The following ZNF83 variants were observed in gnomAD, a reference collection of about 807,000 sequenced individuals.
ZNF83 encodes the protein zinc finger protein 83, also known as zinc finger protein 816B.
For synonymous variants in ZNF83, 209 were observed against 213.0 expected (o/e 0.98, Z 0.17); for missense variants, 552 against 629.9 (o/e 0.88, Z 1.32).
At chr19:52,649,891 AG>A (rs908485754) in intron 3 of ZNF83, among the ~76,000 whole-genome samples, 3 of 152,164 alleles carry the variant, frequency 2.0e-5, no homozygotes, top group African/African-American at 7.2e-5. Context: ...GAAAAACCAA[AG>A]CAAAAAGAAA....
At chr19:52,651,567 C>T (rs2126503) in intron 3 of ZNF83, 12,332 of 152,320 alleles carry the variant, frequency 0.081, 542 homozygotes, top group Middle Eastern at 0.11. Flanking sequence ...TCTGAAATCC[C>T]AGCTACTTGG....
exon 3 of ZNF83, chr19:52,614,764 G>A: frequency 3.1e-6 from 4 of 1,284,020 alleles, no homozygotes; most frequent in Non-Finnish European, 4.0e-6. Flanking sequence ...CTTTTTTGGT[G>A]GTAATTCCTT....
chr19:52,612,806 A>T, exon 3 of ZNF83: 1 of 469,628 alleles, frequency 2.1e-6, no homozygotes. Flanking sequence ...AATTCTTTGA[A>T]GAATCCTGGT....
In ZNF83 at chr19:52,672,879, AAG is replaced by A. The variant is rs367762263; in HGVS notation, c.-282-12038_-282-12037del. Among the ~76,000 whole-genome samples the A allele has an allele frequency of 3.1e-3, 469 of 152,296 alleles. 3 individuals are homozygous for A. Among genetic ancestry groups the A allele is most frequent in the African/African-American group, 0.011 (448 of 41,560 alleles). ...ACATGAGCCACCGTGCATGGCAAAAAAGTTTATTTTAATCAGAAATAATTAAT... is the reference window on the plus strand; with the variant it reads ...ACATGAGCCACCGTGCATGGCAAAAATTTATTTTAATCAGAAATAATTAAT... On this transcript the variant is annotated intron_variant, in intron 1 of 5. Transcript: ENST00000594682.
intron 2 of ZNF83, among the ~76,000 whole-genome samples, chr19:52,623,241 G>A (rs190677347): frequency 1.3e-5 from 2 of 152,252 alleles, no homozygotes; most frequent in East Asian, 3.9e-4. Context: ...CAATTGCCTC[G>A]GAAGCCCTCT....
At chr19:52,674,067 A>G (rs2061765850) in intron 1 of ZNF83, 1 of 151,904 alleles carries the variant, frequency 6.6e-6, no homozygotes, top group African/African-American at 2.4e-5. Flanking sequence ...CTTGGAAAGC[A>G]CCACACATTT....
rs1285384403 is a variant in ZNF83 at position 52,680,663 on chromosome 19, A to G, written c.-283+9780T>C. Among the ~76,000 whole-genome samples, 8 of 115,742 alleles carry G rather than the reference A, an allele frequency of 6.9e-5. No individual in the cohort carries two copies. The South Asian group carries it at 1.2e-3, about 17-fold the overall frequency. The allele number at this position is 115,742 out of a possible 152,430, so 75.9% of individuals were successfully genotyped here. On this transcript the variant is annotated intron_variant, in intron 1 of 5. Transcript: ENST00000594682. The stretch of plus-strand genomic sequence containing the variant: ...AGTCTCGCTCTGTCGCCCAGGCTGG[A>G]GTGCAGTGGCGCGATCTCGGCTCAC...
chr19:52,663,936 G>C (rs550363802), intron 1 of ZNF83, among the ~76,000 whole-genome samples: 1 of 152,298 alleles, frequency 6.6e-6, no homozygotes, highest in East Asian at 1.9e-4. Context: ...TGCCCGGCTG[G>C]AATGCAGTTA....
chr19:52,656,226 C>CTATATA (rs140320453), intron 2 of ZNF83, among the ~76,000 whole-genome samples: 5 of 145,050 alleles, frequency 3.4e-5, no homozygotes, highest in African/African-American at 1.3e-4. Flanking sequence ...CTCTCTCTCT[C>CTATATA]TATATATATA....
At chr19:52,654,747 T>C (rs908055448) in intron 3 of ZNF83, 2 of 160,098 alleles carry the variant, frequency 1.2e-5, no homozygotes, top group African/African-American at 4.8e-5. Flanking sequence ...GCCTCATATA[T>C]ATGATGCAGT....
chr19:52,674,789 T>C (rs1335793246), intron 1 of ZNF83, among the ~76,000 whole-genome samples: 2 of 152,352 alleles, frequency 1.3e-5, no homozygotes, highest in African/African-American at 2.4e-5. Context: ...CCAATATTGA[T>C]AGATTGGAAA....
chr19:52,621,526 C>T (rs73584110), intron 2 of ZNF83, among the ~76,000 whole-genome samples: 2,328 of 152,240 alleles, frequency 0.015, 48 homozygotes, highest in African/African-American at 0.049. Context: ...CACAGGGACA[C>T]CTGCCTTGAT....
intron 3 of ZNF83, chr19:52,655,405 C>A: frequency 1.4e-6 from 1 of 715,922 alleles, no homozygotes; most frequent in South Asian, 1.8e-5. Flanking sequence ...CTCTAAGAAG[C>A]TGTCTATGAC....
At chr19:52,680,773 C>T (rs1188124847) in intron 1 of ZNF83, among the ~76,000 whole-genome samples, 9 of 145,778 alleles carry the variant, frequency 6.2e-5, no homozygotes, top group Non-Finnish European at 1.2e-4. Context: ...CCACTACGCC[C>T]GGCTAATTTT....
rs1419000280 is a variant in ZNF83 at position 52,676,214 on chromosome 19, C to T, written c.-283+14229G>A. On this transcript the variant is annotated intron_variant, in intron 1 of 5. Coordinates refer to the ZNF83 transcript ENST00000594682. ...GTTGGGCTGGTCTCCAGCTCCTAAC[C>T]GTGAGTGATCTGCCAGCCTCGGCCT... Among the ~76,000 whole-genome samples the T allele has an allele frequency of 3.3e-5, 5 of 152,308 alleles. No individual in the cohort carries two copies. In the East Asian group the frequency reaches 5.8e-4, roughly 18 times the overall value.
chr19:52,614,613 A>G, exon 3 of ZNF83: 2 of 1,499,506 alleles, frequency 1.3e-6, no homozygotes, highest in Non-Finnish European at 1.8e-6. Context: ...GCACTCGCTT[A>G]TAATGTCTTC....
At chr19:52,671,518 C>T (rs2061725615) in intron 1 of ZNF83, among the ~76,000 whole-genome samples, 5 of 151,968 alleles carry the variant, frequency 3.3e-5, no homozygotes, top group Admixed American at 3.3e-4. Flanking sequence ...AACACTGCTC[C>T]TTGCACCCTC....
intron 3 of ZNF83, chr19:52,653,339 T>G (rs1276459805): frequency 4.4e-5 from 55 of 1,246,388 alleles, no homozygotes; most frequent in Non-Finnish European, 6.0e-5. Context: ...GTATGAACTC[T>G]CTGATGTTGT....
chr19:52,654,225 AT>A, intron 3 of ZNF83: 1 of 1,580,476 alleles, frequency 6.3e-7, no homozygotes, highest in Non-Finnish European at 8.7e-7. Context: ...CTTCATGGCC[AT>A]TTCTTTTAAT....
Sources: gnomAD v4.1 joint callset for allele counts (sites outside exome capture counted in the v4.1 genomes callset) on GRCh38, gnomAD v4.1.1 for gene constraint, MANE v1.5 for transcripts, NCBI Gene and HGNC (gene_info 2026-07-23, HGNC 2026-07-21) for gene names.